The following CAMTA1 variants were observed in gnomAD, a reference collection of about 807,000 sequenced individuals.
CAMTA1 encodes the protein calmodulin-binding transcription activator 1.
In CAMTA1, 27 loss-of-function variants were observed where a neutral mutation model predicts 170.9. That is an observed-to-expected ratio of 0.16 (90% CI 0.12 to 0.22). The LOEUF (loss-of-function observed/expected upper bound fraction) is 0.22, where lower values mean the gene tolerates loss of function less well. Ranked by LOEUF, CAMTA1 falls within the 10% of genes least tolerant of loss-of-function variation. The pLI, the probability that CAMTA1 is intolerant of heterozygous loss-of-function variation, is 1.00. For missense variants in CAMTA1, 1,619 were observed against 2,217.2 expected (o/e 0.73, Z 5.42); for synonymous variants, 833 against 891.5 (o/e 0.93, Z 1.17).
intron 6 of CAMTA1, among the ~76,000 whole-genome samples, chr1:7,596,691 T>C (rs1227517455): frequency 1.3e-5 from 2 of 152,240 alleles, no homozygotes; most frequent in South Asian, 2.1e-4. Context: ...TGTGGTTGAA[T>C]TGGCCATCAC....
At chr1:7,500,112 T>C (rs1458703832) in intron 6 of CAMTA1, among the ~76,000 whole-genome samples, 2 of 138,724 alleles carry the variant, frequency 1.4e-5, no homozygotes, top group Non-Finnish European at 3.1e-5. Context: ...GAAGATTGTG[T>C]GAGCCTGGTG....
chr1:6,886,073 G>C (rs184271500), intron 3 of CAMTA1, among the ~76,000 whole-genome samples: 2 of 152,338 alleles, frequency 1.3e-5, no homozygotes, highest in Non-Finnish European at 2.9e-5. Context: ...GGGCAAGGGT[G>C]CTGGTCCTCC....
intron 5 of CAMTA1, among the ~76,000 whole-genome samples, chr1:7,336,144 G>A (rs910887405): frequency 6.6e-6 from 1 of 152,232 alleles, no homozygotes; most frequent in African/African-American, 2.4e-5. Context: ...GGGTGTTGGG[G>A]AGGGATGCAT....
At chr1:7,327,421 A>G (rs1033540660) in intron 5 of CAMTA1, among the ~76,000 whole-genome samples, 147 of 151,656 alleles carry the variant, frequency 9.7e-4, no homozygotes, top group Non-Finnish European at 1.6e-3. Flanking sequence ...AAAAAAAAAA[A>G]AAAAGAAAAA....
intron 5 of CAMTA1, among the ~76,000 whole-genome samples, chr1:7,409,702 A>T (rs1303563114): frequency 6.6e-6 from 1 of 152,242 alleles, no homozygotes; most frequent in Admixed American, 6.5e-5. Flanking sequence ...GCCCAAGGCC[A>T]CCAGCTCACA....
Position 7,635,759 on chromosome 1 carries a change from G to A in CAMTA1, c.511-4641G>A, listed in dbSNP as rs1390208475. ...CGCCACCAGCAAAGCAGCTCAGCAAGGACTCTGACACCGTTATGAGCACTC... is the reference window on the plus strand; with the variant it reads ...CGCCACCAGCAAAGCAGCTCAGCAAAGACTCTGACACCGTTATGAGCACTC... On this transcript the variant is annotated intron_variant, in intron 6 of 22. Transcript: ENST00000303635. The surrounding 1 kb of genome is among the most constrained non-coding windows in gnomAD (Gnocchi z 4.4). Among the ~76,000 whole-genome samples the A allele has an allele frequency of 6.6e-6, 1 of 152,170 alleles. No homozygotes were observed. Among genetic ancestry groups the A allele is most frequent in the African/African-American group, 2.4e-5 (1 of 41,442 alleles).
chr1:7,335,141 G>GTGTGTGTGT (rs770168823), intron 5 of CAMTA1, among the ~76,000 whole-genome samples: 60 of 54,436 alleles, frequency 1.1e-3, no homozygotes, highest in East Asian at 3.3e-3. Context: ...TGTGTGTGTG[G>GTGTGTGTGT]GGGGGGGGGG....
At chr1:7,611,532 G>A (rs2095523648) in intron 6 of CAMTA1, among the ~76,000 whole-genome samples, 1 of 152,210 alleles carries the variant, frequency 6.6e-6, no homozygotes. Context: ...GAGGGCCTGA[G>A]CCTGACCCGG....
chr1:7,745,254 G>A (rs573637587), intron 17 of CAMTA1, among the ~76,000 whole-genome samples: 2 of 152,202 alleles, frequency 1.3e-5, no homozygotes, highest in South Asian at 2.1e-4. Flanking sequence ...AGCTGGGCGC[G>A]GTGGCTCATG....
intron 11 of CAMTA1, among the ~76,000 whole-genome samples, chr1:7,708,959 C>G (rs772250351): frequency 5.9e-5 from 9 of 152,002 alleles, no homozygotes; most frequent in Non-Finnish European, 1.0e-4. Flanking sequence ...TTTCAGCTTT[C>G]GTGTTTCACC....
chr1:7,259,474 C>A (rs537301693), intron 5 of CAMTA1, among the ~76,000 whole-genome samples: 1 of 152,188 alleles, frequency 6.6e-6, no homozygotes, highest in Non-Finnish European at 1.5e-5. Flanking sequence ...TCCAAGTCTG[C>A]GTCTTAGTAT....
intron 21 of CAMTA1, among the ~76,000 whole-genome samples, chr1:7,753,756 T>C (rs1185621807): frequency 1.3e-5 from 2 of 152,222 alleles, no homozygotes; most frequent in African/African-American, 4.8e-5. Context: ...CCAGCTATGA[T>C]GCCATGCAGA....
intron 4 of CAMTA1, among the ~76,000 whole-genome samples, chr1:7,127,013 C>T (rs1644973262): frequency 6.6e-6 from 1 of 152,118 alleles, no homozygotes; most frequent in Non-Finnish European, 1.5e-5. Flanking sequence ...TCATGATCCA[C>T]CCACCTCAGC....
At chr1:7,569,724 C>T (rs2095102920) in intron 6 of CAMTA1, among the ~76,000 whole-genome samples, 2 of 151,774 alleles carry the variant, frequency 1.3e-5, no homozygotes, top group Admixed American at 1.3e-4. Flanking sequence ...CCATTGTCAT[C>T]AACATAACCA....
intron 3 of CAMTA1, among the ~76,000 whole-genome samples, chr1:6,911,197 G>A (rs1679608416): frequency 6.6e-6 from 1 of 152,210 alleles, no homozygotes; most frequent in Non-Finnish European, 1.5e-5. Flanking sequence ...AACGTGGTGA[G>A]GACGTTAGCT....
At chr1:7,578,522 A>G (rs2095224771) in intron 6 of CAMTA1, among the ~76,000 whole-genome samples, 2 of 152,224 alleles carry the variant, frequency 1.3e-5, no homozygotes, top group Admixed American at 1.3e-4. Context: ...CCCTACCGAC[A>G]GGGTCGCCGG....
chr1:7,598,616 A>G (rs1188585474), intron 6 of CAMTA1, among the ~76,000 whole-genome samples: 1 of 151,968 alleles, frequency 6.6e-6, no homozygotes, highest in Admixed American at 6.6e-5. Context: ...TGACTTTTTA[A>G]TGATCGCCAT....
chr1:7,432,822 G>A (rs1016984190), intron 5 of CAMTA1, among the ~76,000 whole-genome samples: 4 of 152,252 alleles, frequency 2.6e-5, no homozygotes, highest in African/African-American at 9.6e-5. Context: ...CACCAGGAGA[G>A]GATTATTTAC....
rs146101926 is a variant in CAMTA1 at position 7,705,267 on chromosome 1, T to C, written c.2915-27181T>C. Among the ~76,000 whole-genome samples the C allele has an allele frequency of 4.4e-3, 592 of 135,164 alleles. 2 individuals carry two copies. The highest frequency in any genetic ancestry group is 7.7e-3 in the Non-Finnish European group (481 of 62,808). 88.7% of individuals were successfully genotyped at this position (135,164 alleles called of 152,430 possible). A position where few individuals can be genotyped will look rare whatever the true frequency, so the allele number is the denominator to read the frequency against. ...GGGAGGGGTGCGTTTGGCCGAGGAG[T>C]GGGTGGGAGACACGCGTGTCCATGC... On this transcript the variant is annotated intron_variant, in intron 11 of 22. Coordinates refer to ENST00000303635, the MANE Select transcript of CAMTA1 (RefSeq NM_015215.4).
Sources: allele counts gnomAD v4.1 joint callset (sites outside exome capture counted in the v4.1 genomes callset), GRCh38; gene constraint gnomAD v4.1.1; non-coding constraint Gnocchi (gnomAD v3.1); transcripts MANE v1.5; gene names NCBI Gene and HGNC (gene_info 2026-07-23, HGNC 2026-07-21).